Variants in RBBP6 observed in about 807,000 individuals in gnomAD.
The protein encoded by RBBP6 is RB binding protein 6, ubiquitin ligase, also known as E3 ubiquitin-protein ligase RBBP6.
RBBP6 carries 25 observed loss-of-function variants against 167.7 expected under a neutral mutation model. The ratio of observed to expected loss-of-function variants is 0.15; its 90% CI spans 0.11 to 0.21. RBBP6 has a LOEUF of 0.21. RBBP6 is among the 10% of genes least tolerant of loss of function. The pLI, the probability that RBBP6 is intolerant of heterozygous loss-of-function variation, is 1.00. For missense variants in RBBP6, 1,868 were observed against 2,134.2 expected (o/e 0.88, Z 2.46); for synonymous variants, 789 against 735.8 (o/e 1.07, Z -1.17).
chr16:24,556,995 C>CTTT lies in RBBP6; in HGVS notation c.674+567_674+569dup, dbSNP rs397962167. 9.1e-3 allele frequency among the ~76,000 whole-genome samples: 990 copies of CTTT among 108,814 alleles called. 20 individuals are homozygous for CTTT. Among genetic ancestry groups the CTTT allele is most frequent in the East Asian group, 9.9e-3 (39 of 3,948 alleles). The allele number at this position is 108,814 out of a possible 152,430, so 71.4% of individuals were successfully genotyped here. ...ATAGCTCTATAAAACACCTTAATGCCTTTTTTTTTTTTTTTTTTTTTGAGA... is the reference window on the plus strand; with the variant it reads ...ATAGCTCTATAAAACACCTTAATGCCTTTTTTTTTTTTTTTTTTTTTTTTGAGA... On this transcript the variant is annotated intron_variant, in intron 7 of 17. Coordinates refer to ENST00000319715, the MANE Select transcript of RBBP6 (RefSeq NM_006910.5).
intron 1 of RBBP6, among the ~76,000 whole-genome samples, chr16:24,542,021 A>G (rs955011079): frequency 6.6e-6 from 1 of 152,232 alleles, no homozygotes; most frequent in Non-Finnish European, 1.5e-5. Context: ...CTGGCATATC[A>G]TGACTCAAAA....
chr16:24,569,222 T>A lies in RBBP6; in HGVS notation c.2532T>A (p.Gly844=). The change falls in exon 17 of 18, where the codon GGT becomes GGA. Residue 844 remains glycine (G), a synonymous_variant. Transcript: ENST00000319715. ...YREWYEKYYK[G]YAAGAQPRPS... Reference sequence around the variant, plus strand: ...AGTGGTATGAAAAATATTATAAAGGTTATGCTGCTGGAGCACAGCCTAGAC... The same window carrying A: ...AGTGGTATGAAAAATATTATAAAGGATATGCTGCTGGAGCACAGCCTAGAC... 1 of 1,613,476 alleles carries A rather than the reference T, an allele frequency of 6.2e-7. No homozygotes were observed. Among genetic ancestry groups the A allele is most frequent in the Non-Finnish European group, 8.5e-7 (1 of 1,179,842 alleles).
intron 2 of RBBP6, 119 bp downstream of exon 2, chr16:24,546,381 C>A: frequency 8.5e-7 from 1 of 1,174,198 alleles, no homozygotes; most frequent in Non-Finnish European, 1.1e-6. Context: ...AATACATCTT[C>A]TCAAGACTGT....
chr16:24,554,002 GC>G (rs1391325188), intron 4 of RBBP6: 3 of 154,126 alleles, frequency 1.9e-5, no homozygotes, highest in African/African-American at 7.2e-5. Flanking sequence ...TAAATGTGAT[GC>G]AGTTGTTTCT....
In RBBP6 at chr16:24,572,216, G is replaced by A; in HGVS notation, c.5150G>A (p.Ser1717Asn). Reference sequence around the variant, plus strand: ...AGCCAGACCCGAAGCCACAGTAGCAGTGCCAGCTCAGCAGAAAGTCAGGAC... The same window carrying A: ...AGCCAGACCCGAAGCCACAGTAGCAATGCCAGCTCAGCAGAAAGTCAGGAC... ...SGSQTRSHSS[S>N]ASSAESQDSK... Residue 1717 changes from serine to asparagine, a missense_variant, in exon 18 of 18, where the codon AGT becomes AAT. Around this residue, in one of 7 missense-constraint regions of RBBP6, gnomAD observed 591 missense variants for 540.5 expected, o/e 1.09. Coordinates refer to ENST00000319715, the MANE Select transcript of RBBP6 (RefSeq NM_006910.5). 2 of 1,614,074 alleles carry A rather than the reference G, an allele frequency of 1.2e-6. No individual in the cohort carries two copies. Among genetic ancestry groups the A allele is most frequent in the Non-Finnish European group, 1.7e-6 (2 of 1,180,038 alleles).
Position 24,540,329 on chromosome 16 carries a change from T to C in RBBP6, c.-298T>C. ...CCCCGTCTCTGCCGGCCCCTTAGCA[T>C]GAGCGAGGGGGACCCAGCCGGGTGA... On this transcript the variant is annotated 5_prime_UTR_variant, in exon 1 of 18. It removes an upstream start codon present in the reference 5' UTR. Coordinates refer to ENST00000319715, the MANE Select transcript of RBBP6 (RefSeq NM_006910.5). 7.1e-6 allele frequency: 2 copies of C among 281,470 alleles called. No homozygotes were observed. The highest frequency in any genetic ancestry group is 4.8e-5 in the South Asian group (1 of 20,714). 17.4% of individuals were successfully genotyped at this position (281,470 alleles called of 1,614,324 possible). A position where few individuals can be genotyped will look rare whatever the true frequency, so the allele number is the denominator to read the frequency against.
rs563826208 is a variant in RBBP6 at position 24,561,137 on chromosome 16, T to C, written c.848-475T>C. On this transcript the variant is annotated intron_variant, in intron 8 of 17. Coordinates refer to ENST00000319715, the MANE Select transcript of RBBP6 (RefSeq NM_006910.5). The stretch of plus-strand genomic sequence containing the variant: ...ACCCCAAGTTAGCCATGTAAAATTT[T>C]TGTCTTTCTAGACTATCTTATATTT... Among the ~76,000 whole-genome samples the C allele has an allele frequency of 2.6e-5, 4 of 152,366 alleles. No individual in the cohort carries two copies. In the South Asian group the frequency reaches 8.3e-4, roughly 32 times the overall value.
intron 1 of RBBP6, among the ~76,000 whole-genome samples, chr16:24,541,204 C>CAAAAAAAAAAAAAA (rs1491180757): frequency 2.2e-4 from 18 of 81,702 alleles, no homozygotes; most frequent in African/African-American, 7.5e-4. Context: ...AAAAAAAAAA[C>CAAAAAAAAAAAAAA]CAAAAAAACA....
At chr16:24,562,241 C>A in intron 10 of RBBP6, 80 bp downstream of exon 10, 1 of 1,339,512 alleles carries the variant, frequency 7.5e-7, no homozygotes, top group Non-Finnish European at 1.0e-6. Context: ...TCACTTTTAA[C>A]AGCTTTCTTA....
In RBBP6 at chr16:24,568,792, C is replaced by G. The variant is rs1458523981; in HGVS notation, c.2102C>G (p.Thr701Ser). 6.2e-7 allele frequency: 1 copy of G among 1,614,054 alleles called. No homozygotes were observed. The highest frequency in any genetic ancestry group is 8.5e-7 in the Non-Finnish European group (1 of 1,180,030). The change falls in exon 17 of 18, where the codon ACT (threonine) becomes AGT (serine). Residue 701 changes from threonine to serine, a missense_variant. Around this residue, in one of 7 missense-constraint regions of RBBP6, gnomAD observed 145 missense variants for 224.3 expected, o/e 0.65. Coordinates refer to ENST00000319715, the MANE Select transcript of RBBP6 (RefSeq NM_006910.5). ...SGSSYSRSSYTYSKSRSGSTR... is the reference protein window; with the variant it reads ...SGSSYSRSSYSYSKSRSGSTR... ...TCTTCGTATTCAAGAAGTTCATATA[C>G]TTATTCTAAATCAAGATCTGGTTCA...
At chr16:24,547,437 G>A (rs1055568240) in intron 2 of RBBP6, among the ~76,000 whole-genome samples, 3 of 152,044 alleles carry the variant, frequency 2.0e-5, no homozygotes, top group Non-Finnish European at 2.9e-5. Flanking sequence ...ATATATATAT[G>A]TGTGTATATA....
Position 24,553,532 on chromosome 16 carries a change from C to T in RBBP6, c.323C>T (p.Ser108Phe). ...TTKAIDDSSASISLAQLTKTA... is the reference protein window; with the variant it reads ...TTKAIDDSSAFISLAQLTKTA... Reference sequence around the variant, plus strand: ...GAACAGATTGATGACTCTTCCGCGTCTATTTCTCTGGCCCAGCTTACAAAG... The same window carrying T: ...GAACAGATTGATGACTCTTCCGCGTTTATTTCTCTGGCCCAGCTTACAAAG... Residue 108 changes from serine (S) to phenylalanine (F), a missense_variant, in exon 4 of 18, where the codon TCT (serine) becomes TTT (phenylalanine). Around this residue, in one of 7 missense-constraint regions of RBBP6, gnomAD observed 184 missense variants for 327.7 expected, o/e 0.56. Transcript: ENST00000319715. The T allele has an allele frequency of 6.2e-7, 1 of 1,609,098 alleles. No homozygotes were observed. The highest frequency in any genetic ancestry group is 8.5e-7 in the Non-Finnish European group (1 of 1,177,182).
In RBBP6 at chr16:24,570,774, A is replaced by G. The variant is rs545735787; in HGVS notation, c.3810-102A>G. 4.3e-5 allele frequency: 45 copies of G among 1,047,926 alleles called. 1 individual carries two copies. The South Asian group carries it at 9.8e-4, about 23-fold the overall frequency. The allele number at this position is 1,047,926 out of a possible 1,614,324, so 64.9% of individuals were successfully genotyped here. On this transcript the variant is annotated intron_variant, in intron 17 of 17. Coordinates refer to ENST00000319715, the MANE Select transcript of RBBP6 (RefSeq NM_006910.5). ...TAAGTTTTTTGTTTTTTTTAATGTT[A>G]AAAGGACATTTGTGTTTAAGTTAGC...
Position 24,570,070 on chromosome 16 carries a change from A to G in RBBP6, c.3380A>G (p.Glu1127Gly). 6.2e-7 allele frequency: 1 copy of G among 1,608,454 alleles called. No individual in the cohort carries two copies. Among genetic ancestry groups the G allele is most frequent in the Non-Finnish European group, 8.5e-7 (1 of 1,178,842 alleles). Residue 1127 changes from glutamate to glycine, a missense_variant, in exon 17 of 18, where the codon GAA (glutamate) becomes GGA (glycine). Glu to Gly is a moderately conservative substitution (Grantham distance 98, BLOSUM62 -2). Coordinates refer to ENST00000319715, the MANE Select transcript of RBBP6 (RefSeq NM_006910.5). ...DVKSEKLTTK[E>G]EKAKKPNEKN... ...AAATCAGAAAAGCTAACAACTAAGG[A>G]AGAAAAGGCCAAGAAGCCTAATGAG...
intron 2 of RBBP6, 101 bp from the exon 3 acceptor site, chr16:24,548,844 G>A (rs1199335043): frequency 1.1e-6 from 1 of 944,840 alleles, no homozygotes; most frequent in African/African-American, 1.7e-5. Flanking sequence ...AGGAAAATTA[G>A]GTTCCTAAAA....
chr16:24,568,633 T>C, intron 16 of RBBP6, 112 bp from the exon 17 acceptor site: 1 of 1,395,404 alleles, frequency 7.2e-7, no homozygotes, highest in Middle Eastern at 2.6e-4. Context: ...TAAGATGAAA[T>C]TTGATATAAA....
chr16:24,548,199 GGGGTTT>G (rs1460345226), intron 2 of RBBP6, among the ~76,000 whole-genome samples: 2 of 151,864 alleles, frequency 1.3e-5, no homozygotes, highest in Non-Finnish European at 2.9e-5. Context: ...AATTTCTTTT[GGGGTTT>G]ATGTCTTTTA....
At chr16:24,552,264 C>T (rs1448861773) in intron 3 of RBBP6, among the ~76,000 whole-genome samples, 1 of 151,838 alleles carries the variant, frequency 6.6e-6, no homozygotes, top group Non-Finnish European at 1.5e-5. Context: ...ACTGTGTGGG[C>T]ATTGGCTAAG....
chr16:24,554,878 C>T (rs1192093149), intron 4 of RBBP6: 1 of 151,020 alleles, frequency 6.6e-6, no homozygotes, highest in Non-Finnish European at 1.5e-5. Context: ...TGCTGTTGTT[C>T]TAAGCTCTGT....
Sources: gnomAD v4.1 joint callset for allele counts (sites outside exome capture counted in the v4.1 genomes callset) on GRCh38, gnomAD v4.1.1 for gene constraint, gnomAD v4.1.1 regional missense constraint, MANE v1.5 for transcripts, NCBI Gene and HGNC (gene_info 2026-07-23, HGNC 2026-07-21) for gene names.